Variants in MYO3B observed in about 807,000 individuals in gnomAD.
MYO3B encodes myosin IIIB, also known as myosin-IIIb.
In MYO3B, 156 loss-of-function variants were observed where a neutral mutation model predicts 174.6. The ratio of observed to expected loss-of-function variants is 0.89; its 90% CI spans 0.78 to 1.02. The LOEUF (loss-of-function observed/expected upper bound fraction) is 1.02. Among genes scored for constraint, MYO3B ranks in the 50% least tolerant of loss-of-function variants. The pLI is 0.00. For missense variants in MYO3B, 1,632 were observed against 1,639.4 expected (o/e 1.00, Z 0.08); for synonymous variants, 563 against 569.1 (o/e 0.99, Z 0.15).
chr2:170,487,654 A>T (rs1374245557), intron 25 of MYO3B, among the ~76,000 whole-genome samples: 1 of 152,204 alleles, frequency 6.6e-6, no homozygotes, highest in Non-Finnish European at 1.5e-5. Flanking sequence ...TTTCACATTG[A>T]CTTAGGGCTG....
chr2:170,530,947 T>C (rs1478172867), intron 30 of MYO3B, among the ~76,000 whole-genome samples: 2 of 152,178 alleles, frequency 1.3e-5, no homozygotes, highest in Non-Finnish European at 2.9e-5. Flanking sequence ...GGATAGATAG[T>C]GAATTTCTCT....
At chr2:170,460,487 CAAAAAAAAAAAA>C (rs36000141) in intron 23 of MYO3B, among the ~76,000 whole-genome samples, 3 of 73,682 alleles carry the variant, frequency 4.1e-5, no homozygotes, top group Non-Finnish European at 6.9e-5. Flanking sequence ...GACTCCGTCT[CAAAAAAAAAAAA>C]AAAAAAAAAA....
At chr2:170,383,015 G>T in intron 10 of MYO3B, 58 bp from the exon 11 acceptor site, 3 of 1,069,476 alleles carry the variant, frequency 2.8e-6, no homozygotes, top group South Asian at 2.7e-5. Flanking sequence ...GTCATTTTTA[G>T]AATCTATCCC....
chr2:170,299,694 G>A (rs889603357), intron 7 of MYO3B, among the ~76,000 whole-genome samples: 14 of 152,162 alleles, frequency 9.2e-5, no homozygotes, highest in Admixed American at 5.2e-4. Flanking sequence ...ATTAGAAATC[G>A]AGCAGTCTAG....
chr2:170,598,231 T>A (rs947081526), intron 32 of MYO3B, among the ~76,000 whole-genome samples: 1 of 152,206 alleles, frequency 6.6e-6, no homozygotes, highest in East Asian at 1.9e-4. Flanking sequence ...ACCAGGTCTT[T>A]TGGTCTGTGT....
intron 25 of MYO3B, among the ~76,000 whole-genome samples, chr2:170,494,755 GA>G (rs1196979153): frequency 1.4e-5 from 2 of 142,726 alleles, no homozygotes; most frequent in African/African-American, 5.1e-5. Context: ...AAAAGAAGAA[GA>G]AAAAAAAGAA....
At chr2:170,628,258 C>T (rs985510619) in intron 32 of MYO3B, among the ~76,000 whole-genome samples, 3 of 152,222 alleles carry the variant, frequency 2.0e-5, no homozygotes, top group African/African-American at 4.8e-5. Context: ...AGGCGCCCCA[C>T]CCCCAGCCTC....
intron 30 of MYO3B, among the ~76,000 whole-genome samples, chr2:170,525,334 T>C (rs980808325): frequency 1.3e-5 from 2 of 152,214 alleles, no homozygotes; most frequent in Non-Finnish European, 2.9e-5. Context: ...AAATAGTCTT[T>C]TATGTTGTGG....
chr2:170,588,786 G>C (rs953172581), intron 32 of MYO3B, among the ~76,000 whole-genome samples: 2 of 152,196 alleles, frequency 1.3e-5, no homozygotes, highest in African/African-American at 4.8e-5. Flanking sequence ...AGAAAACACT[G>C]ATGCAATTCT....
At chr2:170,627,259 C>CT (rs1432484100) in intron 32 of MYO3B, among the ~76,000 whole-genome samples, 1 of 152,044 alleles carries the variant, frequency 6.6e-6, no homozygotes, top group Non-Finnish European at 1.5e-5. Flanking sequence ...TCTTTTTATT[C>CT]TTTTTTCTCT....
intron 30 of MYO3B, among the ~76,000 whole-genome samples, chr2:170,539,549 A>G (rs893819429): frequency 1.1e-4 from 17 of 152,220 alleles, no homozygotes; most frequent in African/African-American, 4.1e-4. Flanking sequence ...CTTTGGCTCC[A>G]TATGAATGTC....
At chr2:170,288,183 C>G (rs1163286645) in intron 7 of MYO3B, among the ~76,000 whole-genome samples, 1 of 150,402 alleles carries the variant, frequency 6.6e-6, no homozygotes, top group Non-Finnish European at 1.5e-5. Context: ...TCTTTTTGCT[C>G]AGGACTGATT....
At chr2:170,337,709 A>C (rs976311850) in intron 8 of MYO3B, 12 of 152,238 alleles carry the variant, frequency 7.9e-5, no homozygotes, top group African/African-American at 2.9e-4. Flanking sequence ...TGTTGACTGG[A>C]AGCCTTGCTG....
chr2:170,440,806 T>G (rs1156724287), intron 22 of MYO3B, among the ~76,000 whole-genome samples: 3 of 143,988 alleles, frequency 2.1e-5, no homozygotes, highest in South Asian at 2.3e-4. Flanking sequence ...TGGTTTTTTT[T>G]TTTTTTTTTT....
intron 32 of MYO3B, among the ~76,000 whole-genome samples, chr2:170,631,091 C>T (rs1424833659): frequency 6.6e-6 from 1 of 152,118 alleles, no homozygotes; most frequent in Non-Finnish European, 1.5e-5. Flanking sequence ...TTCAGATGAC[C>T]AAACTTCTCC....
intron 32 of MYO3B, 88 bp downstream of exon 32, chr2:170,544,076 A>G: frequency 2.9e-6 from 3 of 1,030,940 alleles, no homozygotes; most frequent in Non-Finnish European, 4.3e-6. Flanking sequence ...GGACTCAATT[A>G]GATAGTAATA....
intron 32 of MYO3B, among the ~76,000 whole-genome samples, chr2:170,563,031 T>C (rs796873979): frequency 2.7e-4 from 37 of 138,664 alleles, no homozygotes; most frequent in African/African-American, 7.1e-4. Flanking sequence ...AAAACATGCA[T>C]ACACACACAC....
chr2:170,500,730 T>C (rs1309216886), intron 27 of MYO3B, among the ~76,000 whole-genome samples: 1 of 152,122 alleles, frequency 6.6e-6, no homozygotes, highest in African/African-American at 2.4e-5. Context: ...CCAGAATGAC[T>C]GAGATAATAT....
chr2:170,495,579 C>T (rs1023375206), intron 25 of MYO3B, among the ~76,000 whole-genome samples: 2 of 110,272 alleles, frequency 1.8e-5, no homozygotes, highest in Admixed American at 8.6e-5. Flanking sequence ...CTAACAGTTG[C>T]TAAAAAAAAA....
Sources: allele counts gnomAD v4.1 joint callset (sites outside exome capture counted in the v4.1 genomes callset), GRCh38; gene constraint gnomAD v4.1.1; transcripts MANE v1.5; gene names NCBI Gene and HGNC (gene_info 2026-07-23, HGNC 2026-07-21).